The following ADCY10 variants were observed in gnomAD, a reference collection of about 807,000 sequenced individuals.
ADCY10 encodes adenylate cyclase 10, also known as adenylate cyclase type 10.
In ADCY10, 156 loss-of-function variants were observed where a neutral mutation model predicts 183.3. That is an observed-to-expected ratio of 0.85 (90% CI 0.75 to 0.97). The LOEUF (loss-of-function observed/expected upper bound fraction) is 0.97. Among genes scored for constraint, ADCY10 ranks in the 50% least tolerant of loss-of-function variants. The pLI, the probability that ADCY10 is intolerant of heterozygous loss-of-function variation, is 0.00. For synonymous variants in ADCY10, 645 were observed against 670.0 expected, an observed-to-expected ratio of 0.96 and a Z score of 0.58; for missense variants, 1,745 against 1,934.3, an observed-to-expected ratio of 0.90 and a Z score of 1.84.
chr1:167,833,693 C>T (rs1295636441), intron 24 of ADCY10, among the ~76,000 whole-genome samples: 2 of 149,678 alleles, frequency 1.3e-5, no homozygotes, highest in Non-Finnish European at 3.0e-5. Context: ...TGCAGAGAGC[C>T]GATATCACGC....
chr1:167,844,807 G>A (rs1465807970), intron 21 of ADCY10, among the ~76,000 whole-genome samples: 1 of 152,072 alleles, frequency 6.6e-6, no homozygotes, highest in Non-Finnish European at 1.5e-5. Context: ...TCCTCTACTT[G>A]TAGCCTCTGA....
chr1:167,836,072 A>C (rs1020588026), intron 23 of ADCY10, among the ~76,000 whole-genome samples: 1 of 152,168 alleles, frequency 6.6e-6, no homozygotes, highest in African/African-American at 2.4e-5. Flanking sequence ...AATTCATGGC[A>C]AGTTTCTAAA....
At chr1:167,896,917 G>A (rs1669021811) in intron 6 of ADCY10, among the ~76,000 whole-genome samples, 1 of 152,168 alleles carries the variant, frequency 6.6e-6, no homozygotes, top group Non-Finnish European at 1.5e-5. Context: ...TATGTACAGA[G>A]AGGGTCATTC....
intron 14 of ADCY10, among the ~76,000 whole-genome samples, chr1:167,863,361 C>T (rs1666427404): frequency 6.6e-6 from 1 of 152,188 alleles, no homozygotes; most frequent in Non-Finnish European, 1.5e-5. Flanking sequence ...GTGCTCACAG[C>T]CCCTGTCACG....
At chr1:167,831,194 TCTC>T (rs1429205894) in intron 25 of ADCY10, among the ~76,000 whole-genome samples, 5 of 147,556 alleles carry the variant, frequency 3.4e-5, no homozygotes, top group Admixed American at 6.8e-5. Context: ...AAAATCTCTC[TCTC>T]TTTTTTTTTT....
intron 7 of ADCY10, among the ~76,000 whole-genome samples, chr1:167,896,024 A>G (rs1668949347): frequency 6.6e-6 from 1 of 152,240 alleles, no homozygotes; most frequent in South Asian, 2.1e-4. Flanking sequence ...AGCATAAGCT[A>G]TGGTCAACCA....
chr1:167,846,812 T>TTTTC lies in ADCY10; in HGVS notation c.2438-550_2438-549insGAAA, dbSNP rs1383438188. ...TCCCAACTTTTCATCTAAGCTTGAA[T>TTTTC]ATCGGTAGCTCATGTGACTTTCTGG... On this transcript the variant is annotated intron_variant, in intron 19 of 32. Transcript: ENST00000367851. 1.5e-3 allele frequency among the ~76,000 whole-genome samples: 149 copies of TTTTC among 102,732 alleles called. 2 individuals are homozygous for TTTTC. The South Asian group carries it at 0.039, about 27-fold the overall frequency. 67.4% of individuals were successfully genotyped at this position (102,732 alleles called of 152,430 possible).
chr1:167,891,108 T>C (rs900086849), intron 8 of ADCY10, among the ~76,000 whole-genome samples: 3 of 151,950 alleles, frequency 2.0e-5, no homozygotes, highest in African/African-American at 7.2e-5. Flanking sequence ...ATTACAGGTG[T>C]GTGCCACCGC....
chr1:167,855,450 C>A (rs1665822960), intron 17 of ADCY10, among the ~76,000 whole-genome samples: 1 of 152,222 alleles, frequency 6.6e-6, no homozygotes, highest in Non-Finnish European at 1.5e-5. Flanking sequence ...ACAGAGAACA[C>A]CAATACCAGA....
rs1474938633 is a variant in ADCY10 at position 167,870,329 on chromosome 1, T to C, written c.1544A>G (p.Glu515Gly). The C allele has an allele frequency of 1.2e-6, 2 of 1,613,900 alleles. No homozygotes were observed. Among genetic ancestry groups the C allele is most frequent in the Non-Finnish European group, 8.5e-7 (1 of 1,179,948 alleles). ...GCTTTTTCCATATCCTGGTAATCCC[T>C]CATACATTAAGACTTGGCTGCTGTT... is the stretch of plus-strand genomic sequence containing the variant. ...ISNSSQVLMY[E>G]GLPGYGKSQI... is the part of the protein sequence containing the mutation. The change falls in exon 14 of 33, where the codon GAG (glutamate) becomes GGG (glycine). Residue 515 changes from glutamate to glycine, a missense_variant. Glu to Gly is a moderately conservative substitution (Grantham distance 98). Transcript: ENST00000367851.
intron 9 of ADCY10, among the ~76,000 whole-genome samples, chr1:167,882,901 C>A (rs909921196): frequency 2.0e-5 from 3 of 152,182 alleles, no homozygotes; most frequent in African/African-American, 4.8e-5. Flanking sequence ...CAAGAGCAAC[C>A]TACTGCTCAG....
At chr1:167,898,766 G>T (rs1432757178) in intron 6 of ADCY10, among the ~76,000 whole-genome samples, 1 of 152,092 alleles carries the variant, frequency 6.6e-6, no homozygotes, top group African/African-American at 2.4e-5. Context: ...ATCTTGACCA[G>T]CATCTGCACG....
intron 16 of ADCY10, among the ~76,000 whole-genome samples, chr1:167,858,622 T>A (rs1225122852): frequency 6.6e-6 from 1 of 152,130 alleles, no homozygotes; most frequent in Non-Finnish European, 1.5e-5. Context: ...TAGAAATGTG[T>A]TCACAGCCTT....
chr1:167,885,447 G>T (rs1030790687), intron 8 of ADCY10, among the ~76,000 whole-genome samples: 2 of 152,034 alleles, frequency 1.3e-5, no homozygotes, highest in Non-Finnish European at 2.9e-5. Flanking sequence ...CCTGTCCAGC[G>T]TTTGTTATTG....
intron 8 of ADCY10, among the ~76,000 whole-genome samples, chr1:167,885,702 G>A (rs767533997): frequency 1.3e-5 from 2 of 151,874 alleles, no homozygotes; most frequent in Non-Finnish European, 2.9e-5. Context: ...TGCAACCTCC[G>A]CCTCCTGGGT....
intron 13 of ADCY10, among the ~76,000 whole-genome samples, chr1:167,874,619 T>C (rs953382132): frequency 3.9e-5 from 6 of 152,180 alleles, no homozygotes; most frequent in East Asian, 1.9e-4. Flanking sequence ...TCCTACCTTG[T>C]ACTCAACAGA....
chr1:167,896,563 G>A, intron 7 of ADCY10, 32 bp downstream of exon 7: 2 of 1,544,566 alleles, frequency 1.3e-6, no homozygotes, highest in East Asian at 2.2e-5. Context: ...CACTGGTAGA[G>A]GCAAAGGCAT....
chr1:167,885,966 A>G (rs990425140), intron 8 of ADCY10, among the ~76,000 whole-genome samples: 1 of 152,104 alleles, frequency 6.6e-6, no homozygotes, highest in Non-Finnish European at 1.5e-5. Flanking sequence ...TTTTTTCTAT[A>G]GAGCTGTTAC....
chr1:167,828,020 C>T (rs1042608595), intron 26 of ADCY10, among the ~76,000 whole-genome samples: 5 of 152,090 alleles, frequency 3.3e-5, no homozygotes, highest in Non-Finnish European at 4.4e-5. Flanking sequence ...CGCTAATATC[C>T]AGGCATTATT....
Sources: allele counts gnomAD v4.1 joint callset (sites outside exome capture counted in the v4.1 genomes callset), GRCh38; gene constraint gnomAD v4.1.1; transcripts MANE v1.5; gene names NCBI Gene and HGNC (gene_info 2026-07-23, HGNC 2026-07-21).